Variants in CACNA1C observed in about 807,000 individuals in gnomAD.
CACNA1C encodes the protein voltage-dependent L-type calcium channel subunit alpha-1C.
In CACNA1C, 30 loss-of-function variants were observed where a neutral mutation model predicts 229.0. The observed-to-expected ratio is 0.13, with a 90% CI of 0.10 to 0.18. The LOEUF (loss-of-function observed/expected upper bound fraction) is 0.18, where lower values mean the gene tolerates loss of function less well. Among genes scored for constraint, CACNA1C ranks in the 10% least tolerant of loss-of-function variants. The pLI is 1.00. For missense variants in CACNA1C, 1,658 were observed against 2,845.0 expected (o/e 0.58, Z 9.49); for synonymous variants, 1,114 against 1,132.5 (o/e 0.98, Z 0.33).
intron 3 of CACNA1C, among the ~76,000 whole-genome samples, chr12:2,339,224 A>T (rs1325172054): frequency 6.6e-6 from 1 of 152,258 alleles, no homozygotes; most frequent in East Asian, 1.9e-4. Flanking sequence ...TACTGTAAGC[A>T]ATTGTAATAC....
chr12:2,177,608 CCTTCCTTCCTTCCTTCCT>C lies in CACNA1C; in HGVS notation c.477+57179_477+57196del, dbSNP rs1447855945. ...CCCTCCCTTCCTTCCTTCCTTCCTT[CCTTCCTTCCTTCCTTCCT>C]TCTCTCTCTCTTTCTTTCTTTCTTT... On this transcript the variant is annotated intron_variant, in intron 3 of 46. Coordinates refer to ENST00000399655, the MANE Select transcript of CACNA1C (RefSeq NM_000719.7). Among the ~76,000 whole-genome samples the C allele has an allele frequency of 9.8e-4, 103 of 105,452 alleles. 1 individual carries two copies. Among genetic ancestry groups the C allele is most frequent in the African/African-American group, 3.6e-3 (99 of 27,504 alleles). The allele number at this position is 105,452 out of a possible 152,430, so 69.2% of individuals were successfully genotyped here.
At position 2,309,492 on chromosome 12, in the gene CACNA1C, TAC is replaced by T. The variant is rs375903186; in HGVS notation, c.478-139462_478-139461del. Among the ~76,000 whole-genome samples, 761 of 145,530 alleles carry T rather than the reference TAC, an allele frequency of 5.2e-3. 7 individuals carry two copies. The highest frequency in any genetic ancestry group is 0.014 in the Middle Eastern group (4 of 286). ...GCCTATGACACCACACACACACACA[TAC>T]ACACACACACACACACACACAGAGG... On this transcript the variant is annotated intron_variant, in intron 3 of 46. Transcript: ENST00000399655.
At chr12:1,983,687 G>A (rs757443174) in intron 1 of CACNA1C, among the ~76,000 whole-genome samples, 4 of 151,922 alleles carry the variant, frequency 2.6e-5, no homozygotes, top group Non-Finnish European at 5.9e-5. Context: ...TGAGAAGAAC[G>A]TCCATTCTGC....
intron 3 of CACNA1C, among the ~76,000 whole-genome samples, chr12:2,357,204 G>A (rs992962932): frequency 7.2e-5 from 11 of 152,190 alleles, no homozygotes; most frequent in African/African-American, 2.7e-4. Flanking sequence ...ACAACCTGCT[G>A]TTCCCCAGCT....
At chr12:2,544,766 G>C (rs952998438) in intron 9 of CACNA1C, among the ~76,000 whole-genome samples, 2 of 152,238 alleles carry the variant, frequency 1.3e-5, no homozygotes, top group African/African-American at 4.8e-5. Context: ...GTTGGTTGGC[G>C]AGAGGTCGGG....
At chr12:2,020,034 AGTGT>A (rs1485392965) in intron 1 of CACNA1C, 1 of 152,164 alleles carries the variant, frequency 6.6e-6, no homozygotes, top group South Asian at 2.1e-4. Context: ...TCTCTCTGAC[AGTGT>A]GTGTGTATCT....
At chr12:2,229,675 G>A (rs945492749) in intron 3 of CACNA1C, among the ~76,000 whole-genome samples, 2 of 152,168 alleles carry the variant, frequency 1.3e-5, no homozygotes, top group African/African-American at 4.8e-5. Context: ...CTATGGGAAT[G>A]AGGGGGTCAG....
rs959977721 is a variant in CACNA1C, at chr12:2,054,038, A to AGC, written c.49+440_49+441dup. 4.2e-3 allele frequency among the ~76,000 whole-genome samples: 614 copies of AGC among 145,966 alleles called. 2 individuals are homozygous for AGC. Among genetic ancestry groups the AGC allele is most frequent in the African/African-American group, 0.012 (500 of 40,646 alleles). On this transcript the variant is annotated intron_variant, in intron 1 of 46. Coordinates refer to ENST00000399655, the MANE Select transcript of CACNA1C (RefSeq NM_000719.7). This position sits in a 1 kb window ranked among gnomAD's most constrained non-coding sequence, Gnocchi z 5.5. ...TCGCCCGGCTCGGGGCGCGGCTGGG[A>AGC]GCGCGCGCGCGCGCACCCTGCGCCG...
At chr12:2,194,205 C>T (rs75225346) in intron 3 of CACNA1C, among the ~76,000 whole-genome samples, 1 of 73,158 alleles carries the variant, frequency 1.4e-5, no homozygotes, top group Non-Finnish European at 3.8e-5. Context: ...CTGCTCCCCC[C>T]TGTGTTCCTC....
At chr12:2,075,424 C>T (rs1297921206) in intron 1 of CACNA1C, among the ~76,000 whole-genome samples, 1 of 152,136 alleles carries the variant, frequency 6.6e-6, no homozygotes, top group Non-Finnish European at 1.5e-5. Context: ...TTATGGAAAC[C>T]CATTTTACAG....
chr12:2,625,300 T>C (rs1326770399), intron 29 of CACNA1C, among the ~76,000 whole-genome samples: 1 of 152,110 alleles, frequency 6.6e-6, no homozygotes, highest in Admixed American at 6.5e-5. Flanking sequence ...ATTCACACGG[T>C]GTAAAAAAGC....
rs188735399 is a variant in CACNA1C, at chr12:2,319,083, C to T, written c.478-129893C>T. Among the ~76,000 whole-genome samples, 2 of 152,108 alleles carry T rather than the reference C, an allele frequency of 1.3e-5. No individual in the cohort carries two copies. Among genetic ancestry groups the T allele is most frequent in the Admixed American group, 1.3e-4 (2 of 15,288 alleles). ...AGTGGGGCTTGTGAGTCTCTCACCCCAGCTGTTTCCTGGGGCTGTGAAGTT... is the reference window on the plus strand; with the variant it reads ...AGTGGGGCTTGTGAGTCTCTCACCCTAGCTGTTTCCTGGGGCTGTGAAGTT... On this transcript the variant is annotated intron_variant, in intron 3 of 46. Transcript: ENST00000399655. This position sits in a 1 kb window ranked among gnomAD's most constrained non-coding sequence, Gnocchi z 4.0.
In CACNA1C at chr12:2,282,207, C is replaced by T. The variant is rs1181670001; in HGVS notation, c.477+161777C>T. ...TTGGAGATTCTGGAGGGAGGGAACA[C>T]AGGGGGTGACATTCCTGGAATTTGG... On this transcript the variant is annotated intron_variant, in intron 3 of 46. Coordinates refer to ENST00000399655, the MANE Select transcript of CACNA1C (RefSeq NM_000719.7). Among the ~76,000 whole-genome samples, 13 of 152,300 alleles carry T rather than the reference C, an allele frequency of 8.5e-5. No individual in the cohort carries two copies. In the East Asian group the frequency reaches 1.9e-3, roughly 23 times the overall value.
At chr12:2,150,632 G>C (rs1369634070) in intron 3 of CACNA1C, among the ~76,000 whole-genome samples, 2 of 152,186 alleles carry the variant, frequency 1.3e-5, no homozygotes, top group Non-Finnish European at 2.9e-5. Flanking sequence ...TGTGAGTTCT[G>C]ATGAAAGGGG....
At chr12:2,233,363 T>G (rs2066059570) in intron 3 of CACNA1C, among the ~76,000 whole-genome samples, 1 of 152,230 alleles carries the variant, frequency 6.6e-6, no homozygotes, top group Non-Finnish European at 1.5e-5. Context: ...GCATGTACAC[T>G]GTGTGTTGGG....
intron 3 of CACNA1C, among the ~76,000 whole-genome samples, chr12:2,202,426 C>G (rs1390142231): frequency 6.6e-6 from 1 of 152,230 alleles, no homozygotes; most frequent in Non-Finnish European, 1.5e-5. Context: ...GAAACCTGCA[C>G]CAGAACTGGA....
At chr12:2,180,776 A>G (rs975720598) in intron 3 of CACNA1C, among the ~76,000 whole-genome samples, 10 of 152,082 alleles carry the variant, frequency 6.6e-5, no homozygotes, top group African/African-American at 2.4e-4. Context: ...TATAGTTTTT[A>G]TCATTTTCAA....
intron 3 of CACNA1C, among the ~76,000 whole-genome samples, chr12:2,333,616 C>G (rs192112136): frequency 1.3e-5 from 2 of 152,318 alleles, no homozygotes; most frequent in Admixed American, 1.3e-4. Context: ...GTGATTCTGA[C>G]CCCTTGTTCT....
At chr12:1,995,536 C>T (rs979696333) in intron 1 of CACNA1C, among the ~76,000 whole-genome samples, 23 of 152,240 alleles carry the variant, frequency 1.5e-4, no homozygotes, top group African/African-American at 5.5e-4. Flanking sequence ...AAGAACCTGA[C>T]CTCCTTGTCA....
Sources: gnomAD v4.1 joint callset for allele counts (sites outside exome capture counted in the v4.1 genomes callset) on GRCh38, gnomAD v4.1.1 for gene constraint, Gnocchi (gnomAD v3.1) non-coding constraint, MANE v1.5 for transcripts, NCBI Gene and HGNC (gene_info 2026-07-23, HGNC 2026-07-21) for gene names.